The following PCDHGB1 variants were observed in gnomAD, a reference collection of about 807,000 sequenced individuals.
The protein encoded by PCDHGB1 is protocadherin gamma subfamily B, 1, also known as protocadherin gamma-B1.
In PCDHGB1, 34 loss-of-function variants were observed where a neutral mutation model predicts 56.6. The ratio of observed to expected loss-of-function variants is 0.60; its 90% CI spans 0.46 to 0.80. The LOEUF (loss-of-function observed/expected upper bound fraction) is 0.80, where lower values mean the gene tolerates loss of function less well. Ranked by LOEUF, PCDHGB1 falls within the 30% of genes least tolerant of loss-of-function variation. The pLI is 0.00. For synonymous variants in PCDHGB1, 561 were observed against 505.9 expected (o/e 1.11, Z -1.46); for missense variants, 1,278 against 1,204.6 (o/e 1.06, Z -0.90).
At chr5:141,375,373 A>G (rs540129406) in intron 1 of PCDHGB1, 113 of 1,613,776 alleles carry the variant, frequency 7.0e-5, no homozygotes, top group Non-Finnish European at 3.2e-5. Flanking sequence ...AAGGAACACC[A>G]CCTCTGTCTA....
intron 1 of PCDHGB1, among the ~76,000 whole-genome samples, chr5:141,460,703 G>A (rs1009662968): frequency 6.6e-6 from 1 of 151,534 alleles, no homozygotes; most frequent in Non-Finnish European, 1.5e-5. Flanking sequence ...AGTTGAATGA[G>A]AATAAACTAT....
Position 141,350,940 on chromosome 5 carries a change from T to A in PCDHGB1, c.680T>A (p.Ile227Asn), listed in dbSNP as rs1185001853. 1 of 1,614,094 alleles carries A rather than the reference T, an allele frequency of 6.2e-7. No homozygotes were observed. Among genetic ancestry groups the A allele is most frequent in the South Asian group, 1.1e-5 (1 of 91,090 alleles). ...PPLSGTTHIW[I>N]RVTDANDNAP... The stretch of plus-strand genomic sequence containing the variant: ...CTAAGCGGCACCACCCATATCTGGA[T>A]CCGAGTTACGGATGCCAATGATAAT... Residue 227 changes from isoleucine to asparagine, a missense_variant, in exon 1 of 4, where the codon ATC (isoleucine) becomes AAC (asparagine). Transcript: ENST00000523390.
rs757568006 is a variant in PCDHGB1 at position 141,389,895 on chromosome 5, C to A, written c.2409+37226C>A. 1.2e-5 allele frequency: 20 copies of A among 1,614,088 alleles called. No homozygotes were observed. In the Middle Eastern group the frequency reaches 2.0e-3, roughly 160 times the overall value. On this transcript the variant is annotated intron_variant, in intron 1 of 3. Coordinates refer to ENST00000523390, the MANE Select transcript of PCDHGB1 (RefSeq NM_018922.3). Reference sequence around the variant, plus strand: ...CGCCGACAGCTTGCAGGAGGTGCTGCCGGATATCACTGACCGCCCCGACCC... The same window carrying A: ...CGCCGACAGCTTGCAGGAGGTGCTGACGGATATCACTGACCGCCCCGACCC...
chr5:141,395,022 G>T, intron 1 of PCDHGB1: 1 of 1,614,128 alleles, frequency 6.2e-7, no homozygotes, highest in Non-Finnish European at 8.5e-7. Context: ...AGGCGTGCCT[G>T]CCTCACATTT....
In PCDHGB1 at chr5:141,361,967, C is replaced by T; in HGVS notation, c.2409+9298C>T. The T allele has an allele frequency of 6.2e-7, 1 of 1,601,694 alleles. No homozygotes were observed. Among genetic ancestry groups the T allele is most frequent in the Admixed American group, 1.7e-5 (1 of 59,418 alleles). On this transcript the variant is annotated intron_variant, in intron 1 of 3. Transcript: ENST00000523390. ...TGGCTGTCCTACCACGTGCTGCAGG[C>T]CAGCGAGCCCGGGCTCTTCAGCCTG...
At chr5:141,389,944 A>T in intron 1 of PCDHGB1, 1 of 1,613,974 alleles carries the variant, frequency 6.2e-7, no homozygotes, top group East Asian at 2.2e-5. Context: ...GCTGAGCTGC[A>T]GTTTTACCTA....
intron 1 of PCDHGB1, among the ~76,000 whole-genome samples, chr5:141,401,064 C>T (rs146303449): frequency 1.3e-5 from 2 of 152,226 alleles, no homozygotes; most frequent in East Asian, 3.9e-4. Flanking sequence ...TATATGTTGG[C>T]TGGGTGCAGT....
Position 141,351,824 on chromosome 5 carries a change from C to A in PCDHGB1, c.1564C>A (p.Arg522Ser). The A allele has an allele frequency of 3.1e-6, 5 of 1,613,200 alleles. No individual in the cohort carries two copies. Reference sequence around the variant, plus strand: ...GCGCGCCTTCGACCACGAGCAGCTGCGCGCCTTCGAGCTCACACTGCAGGC... The same window carrying A: ...GCGCGCCTTCGACCACGAGCAGCTGAGCGCCTTCGAGCTCACACTGCAGGC... ...AQRAFDHEQLRAFELTLQARD... is the reference protein window; with the variant it reads ...AQRAFDHEQLSAFELTLQARD... The change falls in exon 1 of 4, where the codon CGC (arginine) becomes AGC (serine). Residue 522 changes from arginine (R) to serine (S), a missense_variant. Transcript: ENST00000523390.
rs1481706003 is a variant in PCDHGB1, at chr5:141,491,416, G to A, written c.2410-3391G>A. On this transcript the variant is annotated intron_variant, in intron 1 of 3. Transcript: ENST00000523390. This position sits in a 1 kb window ranked among gnomAD's most constrained non-coding sequence, Gnocchi z 6.9. ...TCAGGGAAACGCAGACGGGGACGGG[G>A]GTGGAGGGCAGTGCTGCAGGCGCCA... 3 of 1,614,138 alleles carry A rather than the reference G, an allele frequency of 1.9e-6. No homozygotes were observed. The highest frequency in any genetic ancestry group is 2.2e-5 in the East Asian group (1 of 44,874).
intron 1 of PCDHGB1, chr5:141,478,529 A>G: frequency 6.2e-7 from 1 of 1,609,580 alleles, no homozygotes; most frequent in Non-Finnish European, 8.5e-7. Flanking sequence ...GGGTGCAGAG[A>G]GCGCCCCTCC....
chr5:141,412,554 C>T (rs2095562022), intron 1 of PCDHGB1: 1 of 152,094 alleles, frequency 6.6e-6, no homozygotes, highest in Non-Finnish European at 1.5e-5. Context: ...TGAATTATCT[C>T]ATGAGTTTAT....
intron 1 of PCDHGB1, among the ~76,000 whole-genome samples, chr5:141,448,476 G>A (rs1002358317): frequency 1.3e-5 from 2 of 151,976 alleles, no homozygotes; most frequent in African/African-American, 4.8e-5. Flanking sequence ...TTCCACCCTT[G>A]CTTCCTCCTG....
chr5:141,357,451 C>A, intron 1 of PCDHGB1: 1 of 1,614,216 alleles, frequency 6.2e-7, no homozygotes, highest in South Asian at 1.1e-5. Context: ...GGCTTTCCTG[C>A]AGACCTATTC....
rs548473707 is a variant in PCDHGB1, at chr5:141,351,679, C to T, written c.1419C>T (p.Ser473=). The change falls in exon 1 of 4, where the codon TCC becomes TCT. Residue 473 remains serine, a synonymous_variant. Coordinates refer to ENST00000523390, the MANE Select transcript of PCDHGB1 (RefSeq NM_018922.3). ...CCTCCATTGCACAAGTAAGCGCCTC[C>T]GACCCGGATTTGGGACCCAACGGCA... ...PGASIAQVSA[S]DPDLGPNGRV... The T allele has an allele frequency of 6.2e-7, 1 of 1,613,994 alleles. No individual in the cohort carries two copies. The highest frequency in any genetic ancestry group is 8.5e-7 in the Non-Finnish European group (1 of 1,179,908).
At chr5:141,375,155 G>T in intron 1 of PCDHGB1, 1 of 1,613,962 alleles carries the variant, frequency 6.2e-7, no homozygotes, top group South Asian at 1.1e-5. Context: ...AACAATTGCT[G>T]AAAGTGCACC....
At position 141,394,267 on chromosome 5, in the gene PCDHGB1, C is replaced by T. The variant is rs563732311; in HGVS notation, c.2409+41598C>T. 1.2e-5 allele frequency: 19 copies of T among 1,613,926 alleles called. No individual in the cohort carries two copies. In the South Asian group the frequency reaches 2.0e-4, roughly 17 times the overall value. On this transcript the variant is annotated intron_variant, in intron 1 of 3. Transcript: ENST00000523390. The stretch of plus-strand genomic sequence containing the variant: ...CACGACCCCGACAGCCAGGAGAATG[C>T]CCAGGTCACTTACTCTGTGACCGAG...
In PCDHGB1 at chr5:141,499,962, A is replaced by G. The variant is rs147527188; in HGVS notation, c.2468+5097A>G. Among the ~76,000 whole-genome samples the G allele has an allele frequency of 3.7e-3, 563 of 152,178 alleles. 5 individuals are homozygous for G. Among genetic ancestry groups the G allele is most frequent in the Admixed American group, 0.011 (164 of 15,288 alleles). On this transcript the variant is annotated intron_variant, in intron 2 of 3. Coordinates refer to ENST00000523390, the MANE Select transcript of PCDHGB1 (RefSeq NM_018922.3). ...CTCGGCCTCCCAAAATGTTGGGATT[A>G]CAGGTGTGAGCCACCTTGCCCGGCC...
chr5:141,488,980 C>A, intron 1 of PCDHGB1: 1 of 392,340 alleles, frequency 2.5e-6, no homozygotes, highest in Non-Finnish European at 4.5e-6. Flanking sequence ...CAATCAGACT[C>A]AGAGCTGAGG....
intron 1 of PCDHGB1, among the ~76,000 whole-genome samples, chr5:141,457,822 C>A (rs1477393535): frequency 6.6e-6 from 1 of 152,178 alleles, no homozygotes; most frequent in Non-Finnish European, 1.5e-5. Context: ...AAGATAAACT[C>A]AGAGCTTCCA....
Sources: allele counts gnomAD v4.1 joint callset (sites outside exome capture counted in the v4.1 genomes callset), GRCh38; gene constraint gnomAD v4.1.1; non-coding constraint Gnocchi (gnomAD v3.1); transcripts MANE v1.5; gene names NCBI Gene and HGNC (gene_info 2026-07-23, HGNC 2026-07-21).